Variants in DMD observed in about 807,000 individuals in gnomAD.
DMD encodes dystrophin.
A neutral mutation model predicts 330.1 loss-of-function variants in DMD; 63 were observed. That is an observed-to-expected ratio of 0.19 (90% CI 0.16 to 0.24). DMD has a LOEUF of 0.24. DMD is among the 10% of genes least tolerant of loss of function. The pLI, the probability that DMD is intolerant of heterozygous loss-of-function variation, is 1.00. For synonymous variants in DMD, 1,223 were observed against 959.8 expected (o/e 1.27, Z -5.07); for missense variants, 3,344 against 2,684.1 (o/e 1.25, Z -5.43).
intron 2 of DMD, among the ~76,000 whole-genome samples, chrX:32,952,625 C>G (rs181350820): frequency 2.6e-4 from 29 of 111,922 alleles, no homozygotes; most frequent in African/African-American, 9.1e-4. Context: ...CCATTCACCA[C>G]TAATTTCCCC....
chrX:32,898,982 C>A (rs1236056883), intron 2 of DMD, among the ~76,000 whole-genome samples: 1 of 112,062 alleles, frequency 8.9e-6, no homozygotes, highest in Admixed American at 9.5e-5. Context: ...CAGTAGACAA[C>A]ATGCACACAT....
intron 44 of DMD, among the ~76,000 whole-genome samples, chrX:32,000,951 G>A (rs1025267933): frequency 4.5e-5 from 5 of 111,048 alleles, no homozygotes; most frequent in African/African-American, 1.6e-4. Flanking sequence ...CAGGGGTTGA[G>A]CATAATGGGT....
intron 13 of DMD, among the ~76,000 whole-genome samples, chrX:32,589,503 G>C (rs1383458684): frequency 1.8e-5 from 2 of 110,218 alleles, no homozygotes; most frequent in African/African-American, 3.3e-5. Context: ...GAAACATAAA[G>C]AGATGTATAT....
intron 44 of DMD, among the ~76,000 whole-genome samples, chrX:32,035,234 C>T (rs184325092): frequency 1.8e-5 from 2 of 110,897 alleles, no homozygotes; most frequent in Non-Finnish European, 3.8e-5. Flanking sequence ...CTCAACTGAT[C>T]CTGAAGTTTT....
At chrX:32,995,373 C>T (rs1438719719) in intron 2 of DMD, among the ~76,000 whole-genome samples, 1 of 112,137 alleles carries the variant, frequency 8.9e-6, no homozygotes, top group Non-Finnish European at 1.9e-5. Context: ...TTTCATGGAA[C>T]AAAAAGTCAC....
intron 37 of DMD, among the ~76,000 whole-genome samples, chrX:32,357,660 TACACACACACACACACAC>T (rs3044986): frequency 1.1e-4 from 10 of 94,862 alleles, no homozygotes; most frequent in Admixed American, 2.4e-4. Flanking sequence ...CATACACAGA[TACACACACACACACACAC>T]ACACACACAC....
chrX:32,863,537 T>TACACACACACACACACACACACACACAC (rs199774174), intron 2 of DMD, among the ~76,000 whole-genome samples: 6 of 78,241 alleles, frequency 7.7e-5, no homozygotes, highest in African/African-American at 3.8e-4. Context: ...ATTGTGTTTA[T>TACACACACACACACACACACACACACAC]ACACACACAC....
intron 1 of DMD, among the ~76,000 whole-genome samples, chrX:33,165,187 A>T (rs747155553): frequency 1.8e-5 from 2 of 111,199 alleles, no homozygotes; most frequent in Admixed American, 1.9e-4. Context: ...AACCCACAGA[A>T]CTGCTGCTCC....
intron 51 of DMD, among the ~76,000 whole-genome samples, chrX:31,752,584 T>TA (rs1484890076): frequency 9.0e-6 from 1 of 110,890 alleles, no homozygotes; most frequent in African/African-American, 3.3e-5. Flanking sequence ...AGCGTTACAT[T>TA]AAAAAAATAA....
chrX:32,613,882 C>T (rs1179164316), intron 12 of DMD, among the ~76,000 whole-genome samples: 1 of 110,853 alleles, frequency 9.0e-6, no homozygotes, highest in Non-Finnish European at 1.9e-5. Context: ...AAGAATGTAC[C>T]TTTATTTTTT....
chrX:32,023,845 G>A (rs1480196209), intron 44 of DMD, among the ~76,000 whole-genome samples: 1 of 111,579 alleles, frequency 9.0e-6, no homozygotes, highest in East Asian at 2.8e-4. Context: ...AACAGACAAC[G>A]AGTACTGCAT....
chrX:32,303,619 T>A (rs1269755904), intron 42 of DMD, among the ~76,000 whole-genome samples: 1 of 111,026 alleles, frequency 9.0e-6, no homozygotes, highest in African/African-American at 3.3e-5. Context: ...GTAACTTGGT[T>A]AACAGAGGAG....
chrX:31,703,695 T>G (rs1183086409), intron 52 of DMD, among the ~76,000 whole-genome samples: 1 of 111,650 alleles, frequency 9.0e-6, no homozygotes, highest in Non-Finnish European at 1.9e-5. Context: ...GAAAATTAAG[T>G]ATGTGATCAA....
chrX:32,136,886 C>A (rs1198917623), intron 44 of DMD, among the ~76,000 whole-genome samples: 1 of 109,389 alleles, frequency 9.1e-6, no homozygotes, highest in Non-Finnish European at 1.9e-5. Context: ...GGAGGGATAG[C>A]ATTGGGAGAT....
At chrX:33,187,974 T>C (rs1028754176) in intron 1 of DMD, among the ~76,000 whole-genome samples, 6 of 111,768 alleles carry the variant, frequency 5.4e-5, no homozygotes, top group Non-Finnish European at 1.1e-4. Flanking sequence ...TCTTATACCA[T>C]AGATTTTTTC....
chrX:32,024,268 A>G (rs2095828952), intron 44 of DMD, among the ~76,000 whole-genome samples: 1 of 110,548 alleles, frequency 9.0e-6, no homozygotes, highest in African/African-American at 3.3e-5. Context: ...GCGGACTGCC[A>G]GAGCTGAGGA....
intron 9 of DMD, among the ~76,000 whole-genome samples, chrX:32,688,641 G>A (rs552193024): frequency 9.0e-6 from 1 of 111,377 alleles, no homozygotes; most frequent in African/African-American, 3.3e-5. Flanking sequence ...AAAGTTGAAA[G>A]TATCTTTATT....
intron 30 of DMD, 37 bp downstream of exon 30, chrX:32,411,715 A>G (rs2147933692): frequency 8.3e-7 from 1 of 1,205,227 alleles, no homozygotes; most frequent in East Asian, 3.0e-5. Flanking sequence ...AAGTAATAAA[A>G]ACAAAAGAAT....
intron 55 of DMD, among the ~76,000 whole-genome samples, chrX:31,602,518 C>T: frequency 9.0e-6 from 1 of 110,767 alleles, no homozygotes; most frequent in Non-Finnish European, 1.9e-5. Flanking sequence ...AGTTCAAAAG[C>T]CAACATGAAG....
Sources: allele counts gnomAD v4.1 joint callset (sites outside exome capture counted in the v4.1 genomes callset), GRCh38; gene constraint gnomAD v4.1.1; transcripts MANE v1.5; gene names NCBI Gene and HGNC (gene_info 2026-07-23, HGNC 2026-07-21).